PDE3B: variants seen among roughly 807,000 people sequenced by gnomAD.
PDE3B encodes the protein phosphodiesterase 3B.
A neutral mutation model predicts 116.8 loss-of-function variants in PDE3B; 66 were observed. The ratio of observed to expected loss-of-function variants is 0.56; its 90% CI spans 0.46 to 0.69. The LOEUF is 0.69. Among genes scored for constraint, PDE3B ranks in the 30% least tolerant of loss-of-function variants. The pLI is 0.00. For missense variants in PDE3B, 1,384 were observed against 1,368.1 expected (o/e 1.01, Z -0.18); for synonymous variants, 595 against 533.6 (o/e 1.12, Z -1.59).
At chr11:14,666,305 C>G (rs1256053427) in intron 1 of PDE3B, among the ~76,000 whole-genome samples, 2 of 149,620 alleles carry the variant, frequency 1.3e-5, no homozygotes, top group Admixed American at 6.7e-5. Context: ...AAGACTTAAA[C>G]GTTAGACCTA....
chr11:14,893,036 G>A, the PDE3B span, among the ~76,000 whole-genome samples: 3 of 152,140 alleles, frequency 2.0e-5, no homozygotes, highest in Non-Finnish European at 4.4e-5. Flanking sequence ...ACTGGGTTTG[G>A]GACTCTTCTA....
intron 1 of PDE3B, among the ~76,000 whole-genome samples, chr11:14,715,757 C>G (rs1459727976): frequency 2.0e-5 from 3 of 152,188 alleles, no homozygotes; most frequent in Non-Finnish European, 4.4e-5. Context: ...ATTTCCTTCT[C>G]CTGCCTGATT....
intron 14 of PDE3B, among the ~76,000 whole-genome samples, chr11:14,867,099 T>C (rs1367850653): frequency 2.0e-5 from 3 of 152,050 alleles, no homozygotes; most frequent in Non-Finnish European, 4.4e-5. Flanking sequence ...GGTAGTGTTA[T>C]TGAAAAGCAC....
At chr11:14,882,631 C>T in the PDE3B span, among the ~76,000 whole-genome samples, 1 of 152,116 alleles carries the variant, frequency 6.6e-6, no homozygotes. Flanking sequence ...AAGGTCAGTA[C>T]ATAGTACCTT....
the PDE3B span, among the ~76,000 whole-genome samples, chr11:14,893,382 C>A: frequency 6.6e-6 from 1 of 152,184 alleles, no homozygotes; most frequent in Non-Finnish European, 1.5e-5. Flanking sequence ...GAGCTGAGAT[C>A]AACTGCTAAA....
At chr11:14,817,016 AG>A (rs1255916802) in intron 5 of PDE3B, among the ~76,000 whole-genome samples, 3 of 152,222 alleles carry the variant, frequency 2.0e-5, no homozygotes, top group African/African-American at 7.2e-5. Context: ...TATTCACAGT[AG>A]CAAAGACTTG....
chr11:14,864,605 G>C (rs1848010254), intron 14 of PDE3B, among the ~76,000 whole-genome samples: 1 of 152,162 alleles, frequency 6.6e-6, no homozygotes, highest in African/African-American at 2.4e-5. Flanking sequence ...CAGTCTCTCA[G>C]ACCACAGTGC....
At chr11:14,849,725 A>C (rs927010327) in intron 12 of PDE3B, among the ~76,000 whole-genome samples, 9 of 152,336 alleles carry the variant, frequency 5.9e-5, no homozygotes, top group Non-Finnish European at 1.2e-4. Flanking sequence ...CAGCCAAAAA[A>C]CACGTGAAAA....
chr11:14,664,758 A>T (rs1854070422), intron 1 of PDE3B, among the ~76,000 whole-genome samples: 1 of 152,214 alleles, frequency 6.6e-6, no homozygotes, highest in Admixed American at 6.5e-5. Flanking sequence ...CAGGCTCTGA[A>T]ATTGTGGCAA....
intron 1 of PDE3B, among the ~76,000 whole-genome samples, chr11:14,739,549 C>T (rs1856703085): frequency 6.6e-6 from 1 of 152,158 alleles, no homozygotes; most frequent in East Asian, 1.9e-4. Context: ...CATCTACAAA[C>T]AGAGACAATT....
chr11:14,848,064 A>G lies in PDE3B; in HGVS notation c.2520+4038A>G, dbSNP rs1279555269. On this transcript the variant is annotated intron_variant, in intron 12 of 15. Transcript: ENST00000282096. ...AGAGAATTTTAGACCAATATCCTTGATGAACATTGATGCAAAAATCCTCAA... is the reference window on the plus strand; with the variant it reads ...AGAGAATTTTAGACCAATATCCTTGGTGAACATTGATGCAAAAATCCTCAA... Among the ~76,000 whole-genome samples, 3 of 150,324 alleles carry G rather than the reference A, an allele frequency of 2.0e-5. No homozygotes were observed. In the East Asian group the frequency reaches 5.8e-4, roughly 29 times the overall value.
intron 5 of PDE3B, among the ~76,000 whole-genome samples, chr11:14,805,969 G>C (rs770271688): frequency 6.6e-6 from 1 of 152,182 alleles, no homozygotes; most frequent in African/African-American, 2.4e-5. Context: ...TTAGAATGGC[G>C]ATCACTAAAA....
intron 1 of PDE3B, among the ~76,000 whole-genome samples, chr11:14,656,650 C>T (rs1452547844): frequency 6.6e-6 from 1 of 152,076 alleles, no homozygotes; most frequent in Non-Finnish European, 1.5e-5. Flanking sequence ...ATCACAGTAC[C>T]TATCTTATTG....
chr11:14,826,021 T>C (rs929649508), intron 7 of PDE3B, among the ~76,000 whole-genome samples: 1 of 152,168 alleles, frequency 6.6e-6, no homozygotes, highest in Non-Finnish European at 1.5e-5. Context: ...TGAATGACTT[T>C]TGGGCAAATA....
chr11:14,818,719 A>G (rs1859413888), intron 6 of PDE3B, among the ~76,000 whole-genome samples: 1 of 152,048 alleles, frequency 6.6e-6, no homozygotes, highest in Admixed American at 6.6e-5. Context: ...ATTCTAAATA[A>G]ATATCTTCTC....
intron 12 of PDE3B, among the ~76,000 whole-genome samples, chr11:14,847,037 A>AT (rs967926384): frequency 1.3e-5 from 2 of 152,142 alleles, no homozygotes; most frequent in African/African-American, 4.8e-5. Context: ...CAGAATATAC[A>AT]TTTTTTTCAG....
At chr11:14,797,266 G>C (rs566773402) in intron 4 of PDE3B, among the ~76,000 whole-genome samples, 2 of 152,298 alleles carry the variant, frequency 1.3e-5, no homozygotes, top group South Asian at 4.1e-4. Context: ...AGGCAGTAAT[G>C]ATTGCTGTTC....
At chr11:14,714,561 A>T (rs1174122833) in intron 1 of PDE3B, among the ~76,000 whole-genome samples, 1 of 150,464 alleles carries the variant, frequency 6.6e-6, no homozygotes, top group Non-Finnish European at 1.5e-5. Context: ...AAAAAAAAAG[A>T]AATACATGTT....
intron 11 of PDE3B, among the ~76,000 whole-genome samples, chr11:14,841,964 T>C (rs908229071): frequency 1.1e-4 from 16 of 148,368 alleles, no homozygotes; most frequent in Non-Finnish European, 2.1e-4. Flanking sequence ...AATTTTTTTT[T>C]CTATTTCTCT....
Sources: gnomAD v4.1 joint callset for allele counts (sites outside exome capture counted in the v4.1 genomes callset) on GRCh38, gnomAD v4.1.1 for gene constraint, MANE v1.5 for transcripts, NCBI Gene and HGNC (gene_info 2026-07-23, HGNC 2026-07-21) for gene names.